Variants in RBFOX1 observed in about 807,000 individuals in gnomAD.
RBFOX1 encodes RNA binding protein fox-1 homolog 1.
A neutral mutation model predicts 57.7 loss-of-function variants in RBFOX1; 8 were observed. The observed-to-expected ratio is 0.14, with a 90% CI of 0.08 to 0.25. The LOEUF is 0.25. Ranked by LOEUF, RBFOX1 falls within the 10% of genes least tolerant of loss-of-function variation. The pLI is 1.00. For synonymous variants in RBFOX1, 326 were observed against 222.4 expected (o/e 1.47, Z -4.15); for missense variants, 611 against 548.5 (o/e 1.11, Z -1.14).
At chr16:7,309,136 C>A (rs902374252) in intron 4 of RBFOX1, among the ~76,000 whole-genome samples, 3 of 152,162 alleles carry the variant, frequency 2.0e-5, no homozygotes, top group Admixed American at 2.0e-4. Flanking sequence ...GAAGAAAGGT[C>A]CCTCAGTCTC....
intron 4 of RBFOX1, chr16:7,333,108 A>G: frequency 6.2e-7 from 1 of 1,606,560 alleles, no homozygotes; most frequent in Non-Finnish European, 8.5e-7. Context: ...GGCCTCTGCC[A>G]GCCAGCAACT....
At chr16:7,678,540 C>G (rs1215862404) in intron 14 of RBFOX1, among the ~76,000 whole-genome samples, 2 of 151,996 alleles carry the variant, frequency 1.3e-5, no homozygotes, top group African/African-American at 2.4e-5. Context: ...CATAGTAACT[C>G]TAGCCTGCTG....
chr16:6,266,125 A>G (rs1441821893), intron 1 of RBFOX1, among the ~76,000 whole-genome samples: 4 of 152,192 alleles, frequency 2.6e-5, no homozygotes, highest in Non-Finnish European at 5.9e-5. Context: ...AAGAGCCTCT[A>G]TCTGACTCAA....
chr16:5,529,571 A>ATTG (rs564509024), intron 2 of RBFOX1, among the ~76,000 whole-genome samples: 2 of 143,536 alleles, frequency 1.4e-5, no homozygotes, highest in Non-Finnish European at 3.0e-5. Flanking sequence ...TCATTTATGT[A>ATTG]TTTTTTTTTT....
chr16:5,318,596 C>CA (rs869222399), intron 1 of RBFOX1, among the ~76,000 whole-genome samples: 1 of 129,924 alleles, frequency 7.7e-6, no homozygotes, highest in African/African-American at 2.6e-5. Context: ...AAAAAACAAA[C>CA]AAAAAAACAA....
intron 4 of RBFOX1, among the ~76,000 whole-genome samples, chr16:7,507,043 C>A (rs888373938): frequency 8.5e-5 from 13 of 152,084 alleles, no homozygotes; most frequent in Non-Finnish European, 5.9e-5. Flanking sequence ...ATATATATTA[C>A]TATTTATATT....
chr16:7,496,338 T>C (rs1430541422), intron 4 of RBFOX1, among the ~76,000 whole-genome samples: 1 of 152,150 alleles, frequency 6.6e-6, no homozygotes, highest in African/African-American at 2.4e-5. Context: ...GGATGGGGTT[T>C]CATCATGTTG....
At chr16:5,989,280 G>T (rs960772279) in intron 4 of RBFOX1, among the ~76,000 whole-genome samples, 2 of 152,016 alleles carry the variant, frequency 1.3e-5, no homozygotes, top group East Asian at 1.9e-4. Context: ...ACAGTGAGCC[G>T]AGATGGCGCC....
At chr16:7,180,110 C>T (rs2082411105) in intron 4 of RBFOX1, among the ~76,000 whole-genome samples, 1 of 152,060 alleles carries the variant, frequency 6.6e-6, no homozygotes, top group Non-Finnish European at 1.5e-5. Context: ...TCCACAGCAG[C>T]CCTGATATCC....
intron 2 of RBFOX1, among the ~76,000 whole-genome samples, chr16:6,515,830 C>T (rs550961317): frequency 6.6e-6 from 1 of 152,096 alleles, no homozygotes; most frequent in Admixed American, 6.5e-5. Flanking sequence ...CTCACCCACC[C>T]TAATGGCCTC....
intron 1 of RBFOX1, among the ~76,000 whole-genome samples, chr16:5,428,380 G>A (rs989336105): frequency 1.3e-5 from 2 of 152,120 alleles, no homozygotes; most frequent in Non-Finnish European, 1.5e-5. Flanking sequence ...AGTAGGAGGC[G>A]TCCCCAACAG....
intron 3 of RBFOX1, among the ~76,000 whole-genome samples, chr16:7,024,873 G>C (rs1388765939): frequency 6.6e-6 from 1 of 152,156 alleles, no homozygotes. Context: ...GAAAACTACA[G>C]ATGGAAGGGC....
chr16:5,978,985 T>G (rs2060123151), intron 4 of RBFOX1, among the ~76,000 whole-genome samples: 1 of 152,144 alleles, frequency 6.6e-6, no homozygotes, highest in South Asian at 2.1e-4. Context: ...AATTAATGAG[T>G]TATGGTGCTA....
chr16:5,303,354 A>T (rs2063851160), intron 1 of RBFOX1, among the ~76,000 whole-genome samples: 1 of 152,238 alleles, frequency 6.6e-6, no homozygotes, highest in African/African-American at 2.4e-5. Context: ...AAGCCATACA[A>T]GCCTCCATCT....
At chr16:7,085,847 T>A (rs2059908154) in intron 4 of RBFOX1, among the ~76,000 whole-genome samples, 2 of 152,180 alleles carry the variant, frequency 1.3e-5, no homozygotes, top group African/African-American at 4.8e-5. Context: ...GTTTTAGCAC[T>A]GAAAATCCTG....
At chr16:7,325,570 G>T (rs762317289) in intron 4 of RBFOX1, among the ~76,000 whole-genome samples, 4 of 152,182 alleles carry the variant, frequency 2.6e-5, no homozygotes, top group Non-Finnish European at 5.9e-5. Context: ...CAGTCTCTAA[G>T]TGGGGAGATG....
intron 4 of RBFOX1, among the ~76,000 whole-genome samples, chr16:5,872,943 G>A (rs922177903): frequency 5.3e-5 from 8 of 152,082 alleles, no homozygotes; most frequent in Non-Finnish European, 4.4e-5. Context: ...ATGAGGTCAA[G>A]AGATCCAGAC....
At chr16:7,440,334 A>C (rs4787018) in intron 4 of RBFOX1, among the ~76,000 whole-genome samples, 7 of 152,058 alleles carry the variant, frequency 4.6e-5, no homozygotes, top group Non-Finnish European at 1.0e-4. Flanking sequence ...CTGTGAAAAA[A>C]CAAGATTGTT....
At chr16:6,927,738 T>C (rs546080531) in intron 3 of RBFOX1, among the ~76,000 whole-genome samples, 2 of 152,110 alleles carry the variant, frequency 1.3e-5, no homozygotes, top group South Asian at 4.2e-4. Context: ...CAGTGCCCTA[T>C]GTAAGGCCTG....
Sources: gnomAD v4.1 joint callset for allele counts (sites outside exome capture counted in the v4.1 genomes callset) on GRCh38, gnomAD v4.1.1 for gene constraint, MANE v1.5 for transcripts, NCBI Gene and HGNC (gene_info 2026-07-23, HGNC 2026-07-21) for gene names.